LRRC37A2: variants seen among roughly 807,000 people sequenced by gnomAD.
LRRC37A2 encodes leucine rich repeat containing 37 member A2.
A neutral mutation model predicts 68.8 loss-of-function variants in LRRC37A2; 9 were observed. The observed-to-expected ratio is 0.13, with a 90% CI of 0.08 to 0.23. The LOEUF is 0.23. Among genes scored for constraint, LRRC37A2 ranks in the 10% least tolerant of loss-of-function variants. The probability of loss-of-function intolerance (pLI) is 1.00; values close to 1 mark genes in which losing one functional copy is unlikely to be tolerated. For missense variants in LRRC37A2, 168 were observed against 950.4 expected, an observed-to-expected ratio of 0.18 and a Z score of 10.82; for synonymous variants, 63 against 367.6, an observed-to-expected ratio of 0.17 and a Z score of 9.48.
the LRRC37A2 span, among the ~76,000 whole-genome samples, chr17:46,785,973 GCCTGAAAAATGTTGAAA>G: frequency 2.6e-5 from 4 of 152,218 alleles, no homozygotes; most frequent in African/African-American, 9.6e-5. Context: ...TGACAAGACC[GCCTGAAAAATGTTGAAA>G]CCTGTAAAAT....
At chr17:46,576,944 TA>T in the LRRC37A2 span, among the ~76,000 whole-genome samples, 2 of 8,904 alleles carry the variant, frequency 2.2e-4, 1 homozygote, top group African/African-American at 2.5e-4. Context: ...TAATTTTTTT[TA>T]AAAAACAAGT....
At chr17:46,545,243 G>A (rs1217996953) in intron 8 of LRRC37A2, among the ~76,000 whole-genome samples, 1 of 138,736 alleles carries the variant, frequency 7.2e-6, no homozygotes, top group East Asian at 2.1e-4. Context: ...ACCAGCCTGA[G>A]CAACATGGGG....
chr17:46,987,011 C>T, the LRRC37A2 span, among the ~76,000 whole-genome samples: 2 of 151,960 alleles, frequency 1.3e-5, no homozygotes, highest in African/African-American at 2.4e-5. Flanking sequence ...TTTGGGAGGC[C>T]GAGGTGGGCG....
At chr17:46,791,109 G>C in the LRRC37A2 span, among the ~76,000 whole-genome samples, 1 of 152,144 alleles carries the variant, frequency 6.6e-6, no homozygotes, top group African/African-American at 2.4e-5. Flanking sequence ...ACACTCTTTG[G>C]CTTCAAGGCA....
the LRRC37A2 span, among the ~76,000 whole-genome samples, chr17:46,787,579 C>G: frequency 6.6e-6 from 1 of 152,192 alleles, no homozygotes; most frequent in African/African-American, 2.4e-5. Flanking sequence ...GCACGCAGAT[C>G]GTTCTTGAAG....
At chr17:46,954,969 G>T in the LRRC37A2 span, among the ~76,000 whole-genome samples, 8 of 151,980 alleles carry the variant, frequency 5.3e-5, 1 homozygote, top group East Asian at 9.6e-4. Flanking sequence ...TGCAAACAGG[G>T]ACAATTTGAC....
chr17:46,784,052 T>A, the LRRC37A2 span, among the ~76,000 whole-genome samples: 1 of 152,028 alleles, frequency 6.6e-6, no homozygotes, highest in Non-Finnish European at 1.5e-5. Context: ...TCAGCTCTCA[T>A]TGTGCAGCTG....
chr17:46,910,891 T>C, the LRRC37A2 span, among the ~76,000 whole-genome samples: 3 of 151,758 alleles, frequency 2.0e-5, no homozygotes, highest in East Asian at 3.9e-4. Flanking sequence ...CTTTGGGAGG[T>C]AGAGGTGGGT....
At chr17:46,892,419 G>T in the LRRC37A2 span, among the ~76,000 whole-genome samples, 1 of 152,144 alleles carries the variant, frequency 6.6e-6, no homozygotes, top group Non-Finnish European at 1.5e-5. Flanking sequence ...CTGTGCCTTT[G>T]TATGTGCCAG....
the LRRC37A2 span, chr17:46,872,412 C>A: frequency 1.4e-6 from 2 of 1,384,854 alleles, no homozygotes; most frequent in Non-Finnish European, 1.9e-6. Flanking sequence ...CAGCCTGCTG[C>A]CCAGAAGGGC....
At chr17:46,832,528 C>T in the LRRC37A2 span, among the ~76,000 whole-genome samples, 21 of 151,802 alleles carry the variant, frequency 1.4e-4, no homozygotes, top group South Asian at 4.2e-3. Flanking sequence ...CTTTAAGCAC[C>T]GAGAGAAAGC....
the LRRC37A2 span, chr17:46,832,942 T>C: frequency 9.9e-6 from 2 of 202,304 alleles, no homozygotes; most frequent in Non-Finnish European, 2.0e-5. Flanking sequence ...AGCTGACAAG[T>C]CCCAGAAACC....
chr17:46,922,634 A>G, the LRRC37A2 span, among the ~76,000 whole-genome samples: 1 of 152,206 alleles, frequency 6.6e-6, no homozygotes, highest in Non-Finnish European at 1.5e-5. Context: ...CACATGACAC[A>G]TAATAACCAC....
chr17:46,718,137 A>G, the LRRC37A2 span, among the ~76,000 whole-genome samples: 12 of 152,346 alleles, frequency 7.9e-5, no homozygotes, highest in Admixed American at 7.8e-4. Flanking sequence ...GGGAGAAGCC[A>G]AATGGCTGCA....
the LRRC37A2 span, among the ~76,000 whole-genome samples, chr17:46,705,657 G>A: frequency 6.6e-6 from 1 of 151,434 alleles, no homozygotes; most frequent in African/African-American, 2.4e-5. Context: ...AATAACATAT[G>A]GTATATGTAG....
the LRRC37A2 span, chr17:46,923,329 T>C: frequency 1.3e-6 from 2 of 1,536,840 alleles, no homozygotes; most frequent in Non-Finnish European, 1.8e-6. Flanking sequence ...GCCGAGTTTT[T>C]CCGCCAGGGC....
At chr17:46,925,714 A>G in the LRRC37A2 span, among the ~76,000 whole-genome samples, 48,929 of 152,020 alleles carry the variant, frequency 0.32, 8,878 homozygotes, top group South Asian at 0.48. Context: ...AGCTGAACTT[A>G]TTAATTTTAC....
the LRRC37A2 span, among the ~76,000 whole-genome samples, chr17:46,902,603 A>G: frequency 3.6e-4 from 55 of 151,996 alleles, no homozygotes; most frequent in Non-Finnish European, 6.9e-4. Flanking sequence ...AGGGGGAAAA[A>G]CAAACAGGCA....
chr17:47,032,904 T>C, the LRRC37A2 span, among the ~76,000 whole-genome samples: 802 of 152,188 alleles, frequency 5.3e-3, 7 homozygotes, highest in African/African-American at 0.016. Flanking sequence ...TTCAAGGTTA[T>C]TCTCAGGACT....
Sources: allele counts gnomAD v4.1 joint callset (sites outside exome capture counted in the v4.1 genomes callset), GRCh38; gene constraint gnomAD v4.1.1; transcripts MANE v1.5; gene names NCBI Gene and HGNC (gene_info 2026-07-23, HGNC 2026-07-21).